THRB: variants seen among roughly 807,000 people sequenced by gnomAD.
The protein encoded by THRB is nuclear receptor subfamily 1 group A member 2.
THRB carries 12 observed loss-of-function variants against 47.8 expected under a neutral mutation model. That is an observed-to-expected ratio of 0.25 (90% CI 0.16 to 0.41). The LOEUF is 0.41. THRB is among the 10% of genes least tolerant of loss of function. THRB has a pLI of 1.00. For missense variants in THRB, 348 were observed against 589.2 expected, an observed-to-expected ratio of 0.59 and a Z score of 4.24; for synonymous variants, 218 against 212.2, an observed-to-expected ratio of 1.03 and a Z score of -0.24.
chr3:24,369,203 G>C (rs1391242195), intron 1 of THRB, among the ~76,000 whole-genome samples: 1 of 152,116 alleles, frequency 6.6e-6, no homozygotes, highest in Non-Finnish European at 1.5e-5. Flanking sequence ...ATGCTGGAAA[G>C]AGAAGTAAAA....
intron 3 of THRB, among the ~76,000 whole-genome samples, chr3:24,245,405 T>C (rs538139300): frequency 6.6e-6 from 1 of 152,234 alleles, no homozygotes; most frequent in South Asian, 2.1e-4. Context: ...TTCTGACAGA[T>C]ATTGACTGGT....
At chr3:24,400,409 A>G (rs1344305352) in intron 1 of THRB, among the ~76,000 whole-genome samples, 1 of 152,006 alleles carries the variant, frequency 6.6e-6, no homozygotes, top group Non-Finnish European at 1.5e-5. Flanking sequence ...TCCTTTCCCA[A>G]CTCAGGTATG....
intron 3 of THRB, among the ~76,000 whole-genome samples, chr3:24,275,506 G>T (rs916923641): frequency 6.6e-6 from 1 of 152,204 alleles, no homozygotes; most frequent in Non-Finnish European, 1.5e-5. Flanking sequence ...TCTTCTAAGG[G>T]GAAGAGGTCA....
intron 1 of THRB, chr3:24,494,165 C>G (rs1284852854): frequency 6.6e-6 from 1 of 152,224 alleles, no homozygotes; most frequent in Non-Finnish European, 1.5e-5. Flanking sequence ...CCGGGGCAGG[C>G]GAAAAAGGGG....
intron 3 of THRB, among the ~76,000 whole-genome samples, chr3:24,249,931 T>C (rs1360155590): frequency 6.6e-6 from 1 of 152,204 alleles, no homozygotes; most frequent in Non-Finnish European, 1.5e-5. Flanking sequence ...AGAATTAAAC[T>C]CTTAGAGTGA....
chr3:24,146,302 A>G (rs2036093671), intron 7 of THRB, among the ~76,000 whole-genome samples: 1 of 152,262 alleles, frequency 6.6e-6, no homozygotes, highest in Non-Finnish European at 1.5e-5. Context: ...AACACTGTGT[A>G]TAGAATGATA....
intron 5 of THRB, among the ~76,000 whole-genome samples, chr3:24,154,988 AG>A (rs1190469450): frequency 6.6e-6 from 1 of 152,214 alleles, no homozygotes; most frequent in African/African-American, 2.4e-5. Flanking sequence ...AAGGTGTCCA[AG>A]AACATTAACC....
intron 1 of THRB, among the ~76,000 whole-genome samples, chr3:24,374,297 G>C (rs556776380): frequency 3.0e-4 from 45 of 152,008 alleles, no homozygotes; most frequent in Non-Finnish European, 5.6e-4. Flanking sequence ...TATAAAGACA[G>C]ACTTATACTC....
chr3:24,283,310 T>C (rs2054839461), intron 3 of THRB, among the ~76,000 whole-genome samples: 1 of 152,266 alleles, frequency 6.6e-6, no homozygotes, highest in South Asian at 2.1e-4. Context: ...ATCCAGCATA[T>C]AAACAGAACC....
intron 5 of THRB, among the ~76,000 whole-genome samples, chr3:24,160,765 C>A (rs1475376929): frequency 2.0e-5 from 3 of 152,116 alleles, no homozygotes; most frequent in Non-Finnish European, 4.4e-5. Flanking sequence ...CACTTGAGTG[C>A]TGAGAAAAAA....
At chr3:24,446,307 C>T (rs1032256842) in intron 1 of THRB, among the ~76,000 whole-genome samples, 1 of 152,126 alleles carries the variant, frequency 6.6e-6, no homozygotes, top group Non-Finnish European at 1.5e-5. Flanking sequence ...GTCCCAGAAG[C>T]CATCTCTCTA....
chr3:24,141,265 G>T (rs1223369750), intron 8 of THRB, among the ~76,000 whole-genome samples: 1 of 152,198 alleles, frequency 6.6e-6, no homozygotes, highest in African/African-American at 2.4e-5. Context: ...GCCTTTAAGT[G>T]AACAGTGCAG....
At chr3:24,375,346 CATATA>C (rs2065193317) in intron 1 of THRB, among the ~76,000 whole-genome samples, 1 of 138,098 alleles carries the variant, frequency 7.2e-6, no homozygotes, top group Non-Finnish European at 1.5e-5. Flanking sequence ...TATATTTAGA[CATATA>C]ATATTAATAT....
rs1365159048 is a variant in THRB at position 24,119,512 on chromosome 3, T to G, written c.*3372A>C. On this transcript the variant is annotated 3_prime_UTR_variant, in exon 11 of 11. Transcript: ENST00000646209. ...TGCTTCAAGGGTGCTCAGCGGTTCC[T>G]TGGAGGCTGAGTCTGTGGGGGGCTT... The G allele has an allele frequency of 2.0e-5, 3 of 152,272 alleles. No individual in the cohort carries two copies. The highest frequency in any genetic ancestry group is 4.4e-5 in the Non-Finnish European group (3 of 68,146). 9.4% of individuals were successfully genotyped at this position (152,272 alleles called of 1,614,324 possible).
chr3:24,310,069 C>A (rs1337578738), intron 2 of THRB, among the ~76,000 whole-genome samples: 1 of 150,734 alleles, frequency 6.6e-6, no homozygotes, highest in Non-Finnish European at 1.5e-5. Flanking sequence ...AGCCATATAT[C>A]ACATTGGAAG....
chr3:24,355,638 C>T (rs1014912689), intron 1 of THRB, among the ~76,000 whole-genome samples: 21 of 152,022 alleles, frequency 1.4e-4, no homozygotes, highest in African/African-American at 3.9e-4. Flanking sequence ...TATAAAAAAC[C>T]ACAATTTTTC....
intron 2 of THRB, among the ~76,000 whole-genome samples, chr3:24,298,897 A>G (rs973851050): frequency 2.0e-5 from 3 of 152,246 alleles, no homozygotes; most frequent in Non-Finnish European, 4.4e-5. Flanking sequence ...TTTATGAACT[A>G]TAGTTCTCAA....
intron 1 of THRB, among the ~76,000 whole-genome samples, chr3:24,410,901 T>C (rs1004163833): frequency 1.3e-5 from 2 of 151,888 alleles, no homozygotes; most frequent in African/African-American, 2.4e-5. Context: ...CTCTTCATTA[T>C]GTGTTTCTGC....
chr3:24,270,483 T>C (rs1197465633), intron 3 of THRB, among the ~76,000 whole-genome samples: 1 of 152,226 alleles, frequency 6.6e-6, no homozygotes, highest in Non-Finnish European at 1.5e-5. Flanking sequence ...GCCTGCAGGC[T>C]TAGGTGCTAA....
Sources: gnomAD v4.1 joint callset for allele counts (sites outside exome capture counted in the v4.1 genomes callset) on GRCh38, gnomAD v4.1.1 for gene constraint, MANE v1.5 for transcripts, NCBI Gene and HGNC (gene_info 2026-07-23, HGNC 2026-07-21) for gene names.